The following SPATA31E1 variants were observed in gnomAD, a reference collection of about 807,000 sequenced individuals.
SPATA31E1 encodes the protein SPATA31 subfamily E member 1, also known as spermatogenesis-associated protein 31E1.
SPATA31E1 carries 7 observed loss-of-function variants against 12.9 expected under a neutral mutation model. The ratio of observed to expected loss-of-function variants is 0.54; its 90% CI spans 0.31 to 1.02. The LOEUF (loss-of-function observed/expected upper bound fraction) is 1.02. SPATA31E1 is among the 50% of genes least tolerant of loss of function. The probability of loss-of-function intolerance (pLI) is 0.05; values close to 1 mark genes in which losing one functional copy is unlikely to be tolerated. For missense variants in SPATA31E1, 1,961 were observed against 1,799.8 expected, an observed-to-expected ratio of 1.09 and a Z score of -1.62; for synonymous variants, 771 against 719.0, an observed-to-expected ratio of 1.07 and a Z score of -1.16.
At position 87,887,006 on chromosome 9, in the gene SPATA31E1, T is replaced by C. The variant is rs1828290733; in HGVS notation, c.2519T>C (p.Val840Ala). Reference sequence around the variant, plus strand: ...CAGCAGATACTGGAAGTACATCTTGTAAGGTTCTGTGTGAGGCACAGCTGG... The same window carrying C: ...CAGCAGATACTGGAAGTACATCTTGCAAGGTTCTGTGTGAGGCACAGCTGG... ...CTQQILEVHL[V>A]RFCVRHSWGT... The change falls in exon 4 of 4, where the codon GTA becomes GCA. Residue 840 changes from valine to alanine, a missense_variant. Coordinates refer to ENST00000325643, the MANE Select transcript of SPATA31E1 (RefSeq NM_178828.5). 8.1e-6 allele frequency: 13 copies of C among 1,613,960 alleles called. No homozygotes were observed. Among genetic ancestry groups the C allele is most frequent in the Non-Finnish European group, 1.0e-5 (12 of 1,180,036 alleles).
chr9:87,883,015 A>G lies in SPATA31E1; in HGVS notation c.124A>G (p.Met42Val), dbSNP rs140133543. The change falls in exon 1 of 4, where the codon ATG becomes GTG. Residue 42 changes from methionine to valine, a missense_variant. Met to Val is a conservative substitution (Grantham distance 21). Coordinates refer to ENST00000325643, the MANE Select transcript of SPATA31E1 (RefSeq NM_178828.5). ...CACAGGAGACGACATTGCACTTCAG[A>G]TGGAGAAAATGCTCTTTCCTCTGAA... is the stretch of plus-strand genomic sequence containing the variant. ...ECTGDDIALQ[M>V]EKMLFPLKSP... The G allele has an allele frequency of 1.5e-5, 24 of 1,613,124 alleles. No individual in the cohort carries two copies. The highest frequency in any genetic ancestry group is 4.0e-5 in the African/African-American group (3 of 74,672).
rs772563119 is a variant in SPATA31E1, at chr9:87,885,006, C to T, written c.519C>T (p.Ala173=). ...TGTGTAAACCAGTGCCTGCTAAGGC[C>T]CACCAGCCGCATGGGAAATGCATGC... The part of the protein sequence containing the change: ...GDVCKPVPAK[A]HQPHGKCMQD... Residue 173 remains alanine, a synonymous_variant, in exon 4 of 4, where the codon GCC becomes GCT. Transcript: ENST00000325643. 1.2e-6 allele frequency: 2 copies of T among 1,614,098 alleles called. No homozygotes were observed. Among genetic ancestry groups the T allele is most frequent in the Non-Finnish European group, 1.7e-6 (2 of 1,179,996 alleles).
Position 87,888,305 on chromosome 9 carries a change from GT to G in SPATA31E1, c.3819del (p.Leu1274TyrfsTer99), listed in dbSNP as rs761883073. ...AGAAAGATCAGTCACCATCCACAGGGTCTACACCCCAGGAAAGGAGGCACAC... is the reference window on the plus strand; with the variant it reads ...AGAAAGATCAGTCACCATCCACAGGGCTACACCCCAGGAAAGGAGGCACAC... The part of the protein sequence containing the change: ...FQRKISHHPQ[G>X]LHPRKGGTRW... On this transcript the variant is annotated frameshift_variant, in exon 4 of 4. Coordinates refer to ENST00000325643, the MANE Select transcript of SPATA31E1 (RefSeq NM_178828.5). LOFTEE classifies it low-confidence loss of function (END_TRUNC). 6.2e-7 allele frequency: 1 copy of G among 1,614,098 alleles called. No homozygotes were observed. Among genetic ancestry groups the G allele is most frequent in the South Asian group, 1.1e-5 (1 of 91,080 alleles).
Position 87,886,509 on chromosome 9 carries a change from C to T in SPATA31E1, c.2022C>T (p.Ala674=). ...GTCAGGCAGAAGACACGCAGCAGGC[C>T]CTCTTGCCCTCCCAGCCTTCTGACT... ...PQSQAEDTQQ[A]LLPSQPSDFA... is the part of the protein sequence containing the mutation. Residue 674 remains alanine (A), a synonymous_variant, in exon 4 of 4, where the codon GCC becomes GCT. Coordinates refer to ENST00000325643, the MANE Select transcript of SPATA31E1 (RefSeq NM_178828.5). 5 of 1,613,794 alleles carry T rather than the reference C, an allele frequency of 3.1e-6. No individual in the cohort carries two copies. The highest frequency in any genetic ancestry group is 4.2e-6 in the Non-Finnish European group (5 of 1,179,864).
chr9:87,887,431 C>G lies in SPATA31E1; in HGVS notation c.2944C>G (p.Pro982Ala), dbSNP rs761471894. The stretch of plus-strand genomic sequence containing the variant: ...CAGGACTGTCCTGGAATCCGGGAAA[C>G]CCAAACCCAGACTAGAGGGGAGTAT... ...QSRTVLESGK[P>A]KPRLEGSMGS... Residue 982 changes from proline to alanine, a missense_variant, in exon 4 of 4, where the codon CCC (proline) becomes GCC (alanine). Coordinates refer to ENST00000325643, the MANE Select transcript of SPATA31E1 (RefSeq NM_178828.5). The G allele has an allele frequency of 6.2e-7, 1 of 1,613,826 alleles. No individual in the cohort carries two copies. The highest frequency in any genetic ancestry group is 1.1e-5 in the South Asian group (1 of 91,084).
Position 87,885,263 on chromosome 9 carries a change from C to A in SPATA31E1, c.776C>A (p.Pro259His), listed in dbSNP as rs750965530. Residue 259 changes from proline (P) to histidine (H), a missense_variant, in exon 4 of 4, where the codon CCC becomes CAC. Coordinates refer to ENST00000325643, the MANE Select transcript of SPATA31E1 (RefSeq NM_178828.5). ...CCCCTGGCCTCCTCTCCACCTCCAC[C>A]CGACTCCAGCCTGGCTGGACTTCAG... ...HGPLASSPPP[P>H]DSSLAGLQCG... The A allele has an allele frequency of 6.2e-7, 1 of 1,613,984 alleles. No individual in the cohort carries two copies. Among genetic ancestry groups the A allele is most frequent in the Middle Eastern group, 1.6e-4 (1 of 6,084 alleles).
Position 87,888,296 on chromosome 9 carries a change from A to C in SPATA31E1, c.3809A>C (p.His1270Pro). 6.2e-7 allele frequency: 1 copy of C among 1,614,174 alleles called. No homozygotes were observed. The highest frequency in any genetic ancestry group is 8.5e-7 in the Non-Finnish European group (1 of 1,180,022). The part of the protein sequence containing the change: ...ESHFQRKISH[H>P]PQGLHPRKGG... The stretch of plus-strand genomic sequence containing the variant: ...CACTTCCAGAGAAAGATCAGTCACC[A>C]TCCACAGGGTCTACACCCCAGGAAA... The change falls in exon 4 of 4, where the codon CAT (histidine) becomes CCT (proline). Residue 1270 changes from histidine to proline, a missense_variant. By Grantham distance (77) the His-to-Pro change is moderately conservative (BLOSUM62 -2). Coordinates refer to ENST00000325643, the MANE Select transcript of SPATA31E1 (RefSeq NM_178828.5).
Position 87,884,969 on chromosome 9 carries a change from C to T in SPATA31E1, c.482C>T (p.Pro161Leu). 6.2e-7 allele frequency: 1 copy of T among 1,614,062 alleles called. No individual in the cohort carries two copies. The highest frequency in any genetic ancestry group is 8.5e-7 in the Non-Finnish European group (1 of 1,179,954). ...GSSHLPLGGD[P>L]LGDVCKPVPA... Reference sequence around the variant, plus strand: ...TCCCACCTGCCCTTAGGTGGAGACCCCCTGGGGGACGTGTGTAAACCAGTG... The same window carrying T: ...TCCCACCTGCCCTTAGGTGGAGACCTCCTGGGGGACGTGTGTAAACCAGTG... Residue 161 changes from proline (P) to leucine (L), a missense_variant, in exon 4 of 4, where the codon CCC becomes CTC. Coordinates refer to ENST00000325643, the MANE Select transcript of SPATA31E1 (RefSeq NM_178828.5).
intron 2 of SPATA31E1, among the ~76,000 whole-genome samples, 181 bp downstream of exon 2, chr9:87,884,227 G>C (rs73653970): frequency 0.025 from 3,868 of 152,326 alleles, 171 homozygotes; most frequent in African/African-American, 0.088. Flanking sequence ...CCATAAGGGG[G>C]CGGTGTGGGG....
At position 87,885,512 on chromosome 9, in the gene SPATA31E1, G is replaced by A. The variant is rs1161123495; in HGVS notation, c.1025G>A (p.Gly342Glu). ...CACACCTCAGAGGCTTCCTTCTGGG[G>A]AGACCCCACACCCAAGCACATGGAG... Reference protein sequence around the residue: ...PDHTSEASFWGDPTPKHMEVG... With the variant: ...PDHTSEASFWEDPTPKHMEVG... The change falls in exon 4 of 4, where the codon GGA becomes GAA. Residue 342 changes from glycine to glutamate, a missense_variant. Transcript: ENST00000325643. 1 of 1,614,118 alleles carries A rather than the reference G, an allele frequency of 6.2e-7. No individual in the cohort carries two copies. Among genetic ancestry groups the A allele is most frequent in the Non-Finnish European group, 8.5e-7 (1 of 1,180,010 alleles).
In SPATA31E1 at chr9:87,886,717, TG is replaced by T. The variant is rs1828282793; in HGVS notation, c.2232del (p.Trp744Ter). 6.2e-7 allele frequency: 1 copy of T among 1,613,798 alleles called. No homozygotes were observed. Among genetic ancestry groups the T allele is most frequent in the Admixed American group, 1.7e-5 (1 of 59,998 alleles). ...GGCAGAAGGTGACTTACGGAGGTCC[TG>T]GAAGTACCAATCAGTAAGTTCCACA... is the stretch of plus-strand genomic sequence containing the variant. ...KEAEGDLRRSWKYQSVSSTPR... is the reference protein window; with the variant it reads ...KEAEGDLRRSXKYQSVSSTPR... On this transcript the variant is annotated frameshift_variant, in exon 4 of 4. Transcript: ENST00000325643. LOFTEE classifies it low-confidence loss of function (END_TRUNC).
Position 87,887,259 on chromosome 9 carries a change from G to C in SPATA31E1, c.2772G>C (p.Pro924=). ...PTVSGPLAAP[P]PEQEGVQRPP... is the part of the protein sequence containing the mutation. ...TGAGTGGCCCTCTCGCTGCCCCACC[G>C]CCTGAGCAGGAGGGAGTCCAGAGGC... Residue 924 remains proline, a synonymous_variant, in exon 4 of 4, where the codon CCG becomes CCC. Coordinates refer to ENST00000325643, the MANE Select transcript of SPATA31E1 (RefSeq NM_178828.5). 6.2e-7 allele frequency: 1 copy of C among 1,613,950 alleles called. No individual in the cohort carries two copies. Among genetic ancestry groups the C allele is most frequent in the Non-Finnish European group, 8.5e-7 (1 of 1,180,010 alleles).
Position 87,885,474 on chromosome 9 carries a change from G to T in SPATA31E1, c.987G>T (p.Arg329=). The T allele has an allele frequency of 6.2e-7, 1 of 1,613,950 alleles. No homozygotes were observed. Among genetic ancestry groups the T allele is most frequent in the Non-Finnish European group, 8.5e-7 (1 of 1,179,902 alleles). ...STYSHGKSQP[R]HLPDHTSEAS... ...ACTCACATGGCAAATCCCAGCCACG[G>T]CATCTTCCCGACCACACCTCAGAGG... The change falls in exon 4 of 4, where the codon CGG becomes CGT. Residue 329 remains arginine, a synonymous_variant. Transcript: ENST00000325643.
rs377752298 is a variant in SPATA31E1 at position 87,887,248 on chromosome 9, G to A, written c.2761G>A (p.Ala921Thr). 1.2e-5 allele frequency: 20 copies of A among 1,613,836 alleles called. No individual in the cohort carries two copies. The highest frequency in any genetic ancestry group is 1.1e-4 in the East Asian group (5 of 44,882). ...AGTCCCGACCGTGAGTGGCCCTCTC[G>A]CTGCCCCACCGCCTGAGCAGGAGGG... ...KSVPTVSGPL[A>T]APPPEQEGVQ... Residue 921 changes from alanine (A) to threonine (T), a missense_variant, in exon 4 of 4, where the codon GCT becomes ACT. By Grantham distance (58) the Ala-to-Thr change is moderately conservative. Coordinates refer to ENST00000325643, the MANE Select transcript of SPATA31E1 (RefSeq NM_178828.5).
rs376831910 is a variant in SPATA31E1 at position 87,885,104 on chromosome 9, C to T, written c.617C>T (p.Pro206Leu). The T allele has an allele frequency of 8.7e-6, 14 of 1,614,042 alleles. No homozygotes were observed. The highest frequency in any genetic ancestry group is 1.6e-4 in the Middle Eastern group (1 of 6,084). ...CTGGCCTCCACCCTGTCACCAGGCCCGATGACCTTCTCAGAGCCTTTTGGA... is the reference window on the plus strand; with the variant it reads ...CTGGCCTCCACCCTGTCACCAGGCCTGATGACCTTCTCAGAGCCTTTTGGA... The part of the protein sequence containing the change: ...APLASTLSPG[P>L]MTFSEPFGPH... The change falls in exon 4 of 4, where the codon CCG (proline) becomes CTG (leucine). Residue 206 changes from proline to leucine, a missense_variant. By Grantham distance (98) the Pro-to-Leu change is moderately conservative. Transcript: ENST00000325643.
At position 87,885,759 on chromosome 9, in the gene SPATA31E1, T is replaced by C; in HGVS notation, c.1272T>C (p.Asp424=). 1 of 1,614,018 alleles carries C rather than the reference T, an allele frequency of 6.2e-7. No individual in the cohort carries two copies. Among genetic ancestry groups the C allele is most frequent in the Non-Finnish European group, 8.5e-7 (1 of 1,180,034 alleles). The part of the protein sequence containing the change: ...QQLPRPQQVS[D]ATTVGNHLQQ... ...TGCCCCGTCCTCAGCAAGTCTCTGA[T>C]GCCACAACCGTGGGGAACCACTTAC... Residue 424 remains aspartate (D), a synonymous_variant, in exon 4 of 4, where the codon GAT becomes GAC. Transcript: ENST00000325643.
In SPATA31E1 at chr9:87,886,449, A is replaced by G; in HGVS notation, c.1962A>G (p.Leu654=). Residue 654 remains leucine (L), a synonymous_variant, in exon 4 of 4, where the codon CTA becomes CTG. Coordinates refer to ENST00000325643, the MANE Select transcript of SPATA31E1 (RefSeq NM_178828.5). ...GATTGCAGGCATCTGGGGACCTGCTACAGCCTGATGGGGAATTCCCAGGGA... is the reference window on the plus strand; with the variant it reads ...GATTGCAGGCATCTGGGGACCTGCTGCAGCCTGATGGGGAATTCCCAGGGA... ...PSRLQASGDL[L]QPDGEFPGRP... 9 of 1,613,940 alleles carry G rather than the reference A, an allele frequency of 5.6e-6. No homozygotes were observed. In the South Asian group the frequency reaches 9.9e-5, roughly 18 times the overall value.
In SPATA31E1 at chr9:87,885,852, C is replaced by G. The variant is rs1307061562; in HGVS notation, c.1365C>G (p.Val455=). ...SLNSESLATT[V]WVSRNPSSQN... is the part of the protein sequence containing the mutation. ...ATAGCGAGTCCCTGGCGACCACAGT[C>G]TGGGTTTCTAGGAACCCTTCCTCAC... The change falls in exon 4 of 4, where the codon GTC becomes GTG. Residue 455 remains valine (V), a synonymous_variant. Coordinates refer to ENST00000325643, the MANE Select transcript of SPATA31E1 (RefSeq NM_178828.5). 6.2e-7 allele frequency: 1 copy of G among 1,613,888 alleles called. No homozygotes were observed.
chr9:87,886,979 C>A lies in SPATA31E1; in HGVS notation c.2492C>A (p.Thr831Asn). The A allele has an allele frequency of 6.2e-7, 1 of 1,614,136 alleles. No individual in the cohort carries two copies. The highest frequency in any genetic ancestry group is 8.5e-7 in the Non-Finnish European group (1 of 1,180,036). Residue 831 changes from threonine to asparagine, a missense_variant, in exon 4 of 4, where the codon ACC (threonine) becomes AAC (asparagine). Physicochemically the swap from Thr to Asn is moderately conservative, Grantham distance 65. Coordinates refer to ENST00000325643, the MANE Select transcript of SPATA31E1 (RefSeq NM_178828.5). ...GAGCTTTCCTTCCTCCATCCCTGCA[C>A]CCAGCAGATACTGGAAGTACATCTT... ...SQELSFLHPC[T>N]QQILEVHLVR...
Sources: allele counts gnomAD v4.1 joint callset (sites outside exome capture counted in the v4.1 genomes callset), GRCh38; gene constraint gnomAD v4.1.1; transcripts MANE v1.5; gene names NCBI Gene and HGNC (gene_info 2026-07-23, HGNC 2026-07-21).